Variants in MDC1 observed in about 807,000 individuals in gnomAD.
MDC1 encodes mediator of DNA damage checkpoint protein 1.
Under a neutral mutation model 142.5 loss-of-function variants are expected in MDC1, and 81 were observed. That is an observed-to-expected ratio of 0.57 (90% CI 0.47 to 0.68). The LOEUF is 0.68. Ranked by LOEUF, MDC1 falls within the 30% of genes least tolerant of loss-of-function variation. The probability of loss-of-function intolerance (pLI) is 0.00; values close to 1 mark genes in which losing one functional copy is unlikely to be tolerated. For missense variants in MDC1, 2,119 were observed against 2,547.9 expected, an observed-to-expected ratio of 0.83 and a Z score of 3.62; for synonymous variants, 797 against 968.4, an observed-to-expected ratio of 0.82 and a Z score of 3.29.
In MDC1 at chr6:30,713,499, G is replaced by A. The variant is rs1210335826; in HGVS notation, c.588-145C>T. ...TTGTTTTCCACTTGGCACATCAGAT[G>A]TGCTCCATAAAAATTCAGCTGAGTG... On this transcript the variant is annotated intron_variant, in intron 4 of 14. Coordinates refer to ENST00000376406, the MANE Select transcript of MDC1 (RefSeq NM_014641.3). The surrounding 1 kb of genome is among the most constrained non-coding windows in gnomAD (Gnocchi z 4.9). The A allele has an allele frequency of 8.0e-7, 1 of 1,243,726 alleles. No individual in the cohort carries two copies. Among genetic ancestry groups the A allele is most frequent in the African/African-American group, 1.5e-5 (1 of 65,806 alleles). 77.0% of individuals were successfully genotyped at this position (1,243,726 alleles called of 1,614,324 possible).
rs770604504 is a variant in MDC1, at chr6:30,712,703, C to G, written c.1239G>C (p.Ala413=). 2 of 1,613,032 alleles carry G rather than the reference C, an allele frequency of 1.2e-6. No individual in the cohort carries two copies. The highest frequency in any genetic ancestry group is 1.7e-6 in the Non-Finnish European group (2 of 1,180,044). Residue 413 remains alanine (A), a synonymous_variant, in exon 5 of 15, where the codon GCG becomes GCC. Coordinates refer to ENST00000376406, the MANE Select transcript of MDC1 (RefSeq NM_014641.3). The surrounding 1 kb of genome is among the most constrained non-coding windows in gnomAD (Gnocchi z 4.7). The part of the protein sequence containing the change: ...DTDDEEEVSA[A]LTLAHLKESQ... ...TCTCTTTCAGATGTGCCAAAGTCAG[C>G]GCTGCTGAGACTTCTTCCTCGTCAT...
rs770289396 is a variant in MDC1 at position 30,703,533 on chromosome 6, A to G, written c.5567T>C (p.Val1856Ala). The G allele has an allele frequency of 1.2e-6, 2 of 1,612,758 alleles. No individual in the cohort carries two copies. Among genetic ancestry groups the G allele is most frequent in the Admixed American group, 1.7e-5 (1 of 59,970 alleles). Reference sequence around the variant, plus strand: ...TCTCTTGCCTGGTTTTGGAGTCACGACATCCTGAGATTGAGAAAAATCTTG... The same window carrying G: ...TCTCTTGCCTGGTTTTGGAGTCACGGCATCCTGAGATTGAGAAAAATCTTG... The part of the protein sequence containing the change: ...TAEKPGKEED[V>A]VTPKPGKRKR... The change falls in exon 11 of 15, where the codon GTC becomes GCC. Residue 1856 changes from valine to alanine, a missense_variant. Coordinates refer to ENST00000376406, the MANE Select transcript of MDC1 (RefSeq NM_014641.3). This position sits in a 1 kb window ranked among gnomAD's most constrained non-coding sequence, Gnocchi z 4.4.
At position 30,702,651 on chromosome 6, in the gene MDC1, A is replaced by T. The variant is rs781306038; in HGVS notation, c.6004T>A (p.Tyr2002Asn). ...ERRLLEGYEI[Y>N]VTPGVQPPPP... ...GGTGGCTGGACTCCAGGGGTCACATAGATCTCATAGCCCTAAGAGAAAGAA... is the reference window on the plus strand; with the variant it reads ...GGTGGCTGGACTCCAGGGGTCACATTGATCTCATAGCCCTAAGAGAAAGAA... Residue 2002 changes from tyrosine (Y) to asparagine (N), a missense_variant, in exon 14 of 15, where the codon TAT becomes AAT. Tyr to Asn is a moderately radical substitution (Grantham distance 143). Transcript: ENST00000376406. 6.8e-6 allele frequency: 11 copies of T among 1,611,078 alleles called. No homozygotes were observed. The South Asian group carries it at 1.2e-4, about 18-fold the overall frequency.
rs779398158 is a variant in MDC1 at position 30,712,504 on chromosome 6, G to A, written c.1438C>T (p.Leu480Phe). Residue 480 changes from leucine (L) to phenylalanine (F), a missense_variant, in exon 5 of 15, where the codon CTT (leucine) becomes TTT (phenylalanine). By Grantham distance (22) the Leu-to-Phe change is conservative (BLOSUM62 0). Coordinates refer to ENST00000376406, the MANE Select transcript of MDC1 (RefSeq NM_014641.3). The surrounding 1 kb of genome is among the most constrained non-coding windows in gnomAD (Gnocchi z 4.7). ...VLKDHTKIRALVRAHSEKDQP... is the reference protein window; with the variant it reads ...VLKDHTKIRAFVRAHSEKDQP... Reference sequence around the variant, plus strand: ...TCCTTTTCTGAATGTGCTCTAACAAGGGCTCTAATCTTTGTGTGATCCTTG... The same window carrying A: ...TCCTTTTCTGAATGTGCTCTAACAAAGGCTCTAATCTTTGTGTGATCCTTG... 6.1e-5 allele frequency: 98 copies of A among 1,612,898 alleles called. 1 individual carries two copies. The Middle Eastern group carries it at 1.8e-3, about 30-fold the overall frequency.
chr6:30,711,423 A>G lies in MDC1; in HGVS notation c.2210T>C (p.Phe737Ser). ...PQELGPSHCS[F>S]QTTGTLDEPW... ...AGAGTTTCTTATACCTGTTGTCTGG[A>G]AGCTGCAATGGGAAGGGCCAAGCTC... Residue 737 changes from phenylalanine (F) to serine (S), a missense_variant, in exon 7 of 15, where the codon TTC becomes TCC. Transcript: ENST00000376406. 2.5e-6 allele frequency: 4 copies of G among 1,613,004 alleles called. No individual in the cohort carries two copies. The highest frequency in any genetic ancestry group is 3.4e-6 in the Non-Finnish European group (4 of 1,179,946).
rs1310237548 is a variant in MDC1, at chr6:30,716,779, G to C, written c.-4+466C>G. 2.9e-6 allele frequency: 1 copy of C among 340,070 alleles called. No homozygotes were observed. The highest frequency in any genetic ancestry group is 2.2e-5 in the African/African-American group (1 of 44,624). The allele number at this position is 340,070 out of a possible 1,614,324, so 21.1% of individuals were successfully genotyped here. A position where few individuals can be genotyped will look rare whatever the true frequency, so the allele number is the denominator to read the frequency against. On this transcript the variant is annotated intron_variant, in intron 1 of 14. Transcript: ENST00000376406. The surrounding 1 kb of genome is among the most constrained non-coding windows in gnomAD (Gnocchi z 4.4). ...TTTGAAGTATTTGGTATACATCTGT[G>C]AACCAAACATGAAATCGACCCTGCC...
At chr6:30,711,370 A>C in intron 7 of MDC1, 42 bp downstream of exon 7, 1 of 1,540,028 alleles carries the variant, frequency 6.5e-7, no homozygotes, top group Non-Finnish European at 9.0e-7. Context: ...AAAAAAGAGA[A>C]TGCAGAATTG....
At position 30,716,366 on chromosome 6, in the gene MDC1, G is replaced by A. The variant is rs1279974291; in HGVS notation, c.-4+879C>T. On this transcript the variant is annotated intron_variant, in intron 1 of 14. Coordinates refer to ENST00000376406, the MANE Select transcript of MDC1 (RefSeq NM_014641.3). This position sits in a 1 kb window ranked among gnomAD's most constrained non-coding sequence, Gnocchi z 4.4. ...AGCCTCCCGAGCAGCTGGGATTACA[G>A]GCGCCCGGCATCACGCCTGGCTAAT... Among the ~76,000 whole-genome samples the A allele has an allele frequency of 6.6e-6, 1 of 152,160 alleles. No homozygotes were observed. The highest frequency in any genetic ancestry group is 2.4e-5 in the African/African-American group (1 of 41,432).
At position 30,714,002 on chromosome 6, in the gene MDC1, A is replaced by T. The variant is rs757493743; in HGVS notation, c.318T>A (p.Val106=). ...NGTQILRPPK[V]LSPGVSHRLR... ...GACGGTGACTCACCCCAGGGCTCAA[A>T]ACCTTAGGAGGTCTCAGGATTTGAG... The change falls in exon 3 of 15, where the codon GTT becomes GTA. Residue 106 remains valine (V), a synonymous_variant. Transcript: ENST00000376406. The T allele has an allele frequency of 2.5e-6, 4 of 1,612,906 alleles. No homozygotes were observed. In the East Asian group the frequency reaches 8.9e-5, roughly 36 times the overall value.
chr6:30,701,831 G>C (rs1252733337), intron 14 of MDC1, among the ~76,000 whole-genome samples: 1 of 151,958 alleles, frequency 6.6e-6, no homozygotes, highest in East Asian at 1.9e-4. Flanking sequence ...GTATTTCTTA[G>C]AGATATATAT....
Position 30,700,486 on chromosome 6 carries a change from A to AG in MDC1, c.6248dup (p.Leu2084PhefsTer38), listed in dbSNP as rs1280788813. On this transcript the variant is annotated frameshift_variant, in exon 15 of 15. Coordinates refer to ENST00000376406, the MANE Select transcript of MDC1 (RefSeq NM_014641.3). LOFTEE classifies it high-confidence loss of function. Reference sequence around the variant, plus strand: ...GTTCTCAGGTGGATGACATCTCCAAAGGGGAGAGGACAAAGGCCTCTGGCT... The same window carrying AG: ...GTTCTCAGGTGGATGACATCTCCAAAGGGGGAGAGGACAAAGGCCTCTGGCT... 1.2e-6 allele frequency: 2 copies of AG among 1,612,776 alleles called. No homozygotes were observed. Among genetic ancestry groups the AG allele is most frequent in the Admixed American group, 3.3e-5 (2 of 59,994 alleles).
At position 30,707,765 on chromosome 6, in the gene MDC1, G is replaced by C. The variant is rs755533235; in HGVS notation, c.2814C>G (p.Pro938=). ...GTGTATCTCTCTCCAGGATCACTTT[G>C]GGCACCTTCTCTTCTAACTCGGCTG... ...CDPAELEEKV[P]KVILERDTQR... Residue 938 remains proline, a synonymous_variant, in exon 8 of 15, where the codon CCC becomes CCG. Coordinates refer to ENST00000376406, the MANE Select transcript of MDC1 (RefSeq NM_014641.3). 2.9e-5 allele frequency: 46 copies of C among 1,612,910 alleles called. No individual in the cohort carries two copies. The Middle Eastern group carries it at 3.0e-3, about 104-fold the overall frequency.
chr6:30,713,690 T>C lies in MDC1; in HGVS notation c.545A>G (p.Lys182Arg). ...VDFLSERRMV[K>R]KSRTTSSSVI... ...AGAGGAAGATGTGGTCCTTGATTTT[T>C]TTACCATACGCCTTTCAGAAAGAAA... The change falls in exon 4 of 15, where the codon AAA (lysine) becomes AGA (arginine). Residue 182 changes from lysine (K) to arginine (R), a missense_variant. Physicochemically the swap from Lys to Arg is conservative, Grantham distance 26. Coordinates refer to ENST00000376406, the MANE Select transcript of MDC1 (RefSeq NM_014641.3). The surrounding 1 kb of genome is among the most constrained non-coding windows in gnomAD (Gnocchi z 4.9). 1 of 1,614,202 alleles carries C rather than the reference T, an allele frequency of 6.2e-7. No homozygotes were observed. The highest frequency in any genetic ancestry group is 8.5e-7 in the Non-Finnish European group (1 of 1,180,042).
At position 30,709,388 on chromosome 6, in the gene MDC1, T is replaced by C. The variant is rs943125260; in HGVS notation, c.2222-1031A>G. Among the ~76,000 whole-genome samples the C allele has an allele frequency of 6.6e-6, 1 of 152,214 alleles. No individual in the cohort carries two copies. The highest frequency in any genetic ancestry group is 2.4e-5 in the African/African-American group (1 of 41,448). ...TATACCACATTTTCTTTTTTCTTCATTGACACATAATAATTGTACATATTT... is the reference window on the plus strand; with the variant it reads ...TATACCACATTTTCTTTTTTCTTCACTGACACATAATAATTGTACATATTT... On this transcript the variant is annotated intron_variant, in intron 7 of 14. Transcript: ENST00000376406. This position sits in a 1 kb window ranked among gnomAD's most constrained non-coding sequence, Gnocchi z 4.2.
rs778053820 is a variant in MDC1 at position 30,702,620 on chromosome 6, G to A, written c.6035C>T (p.Pro2012Leu). 4 of 1,611,680 alleles carry A rather than the reference G, an allele frequency of 2.5e-6. No homozygotes were observed. The South Asian group carries it at 3.3e-5, about 13-fold the overall frequency. ...YVTPGVQPPP[P>L]QMGEIISCCG... ...GCAGCTAATAATCTCTCCCATCTGA[G>A]GTGGTGGTGGCTGGACTCCAGGGGT... The change falls in exon 14 of 15, where the codon CCT becomes CTT. Residue 2012 changes from proline (P) to leucine (L), a missense_variant. Physicochemically the swap from Pro to Leu is moderately conservative, Grantham distance 98. Coordinates refer to ENST00000376406, the MANE Select transcript of MDC1 (RefSeq NM_014641.3).
chr6:30,706,867 C>T (rs1206028915), intron 9 of MDC1, among the ~76,000 whole-genome samples: 3 of 150,750 alleles, frequency 2.0e-5, no homozygotes, highest in African/African-American at 4.9e-5. Flanking sequence ...TGGGAGGCTG[C>T]GGCAGGAAAA....
At position 30,709,175 on chromosome 6, in the gene MDC1, C is replaced by T. The variant is rs1774434609; in HGVS notation, c.2222-818G>A. 6.6e-6 allele frequency among the ~76,000 whole-genome samples: 1 copy of T among 152,180 alleles called. No homozygotes were observed. The highest frequency in any genetic ancestry group is 6.5e-5 in the Admixed American group (1 of 15,268). On this transcript the variant is annotated intron_variant, in intron 7 of 14. Transcript: ENST00000376406. This position sits in a 1 kb window ranked among gnomAD's most constrained non-coding sequence, Gnocchi z 4.2. ...TCAGCCTCCCAAGTAGCTGGGACTA[C>T]GGCATGTGCCAAAGTGCCCGGCTAA...
Position 30,714,085 on chromosome 6 carries a change from C to G in MDC1, c.235G>C (p.Glu79Gln). ...GGTGCCTTGTCCCAGGCTAAGATTTCAATCTCTGCATGTTGTTTGGAGATA... is the reference window on the plus strand; with the variant it reads ...GGTGCCTTGTCCCAGGCTAAGATTTGAATCTCTGCATGTTGTTTGGAGATA... ...PSISKQHAEI[E>Q]ILAWDKAPIL... The change falls in exon 3 of 15, where the codon GAA (glutamate) becomes CAA (glutamine). Residue 79 changes from glutamate (E) to glutamine (Q), a missense_variant. By Grantham distance (29) the Glu-to-Gln change is conservative. Coordinates refer to ENST00000376406, the MANE Select transcript of MDC1 (RefSeq NM_014641.3). 1 of 1,612,862 alleles carries G rather than the reference C, an allele frequency of 6.2e-7. No homozygotes were observed. Among genetic ancestry groups the G allele is most frequent in the Non-Finnish European group, 8.5e-7 (1 of 1,180,032 alleles).
rs764506177 is a variant in MDC1 at position 30,712,724 on chromosome 6, G to A, written c.1218C>T (p.Asp406=). The change falls in exon 5 of 15, where the codon GAC becomes GAT. Residue 406 remains aspartate, a synonymous_variant. Transcript: ENST00000376406. This position sits in a 1 kb window ranked among gnomAD's most constrained non-coding sequence, Gnocchi z 4.7. The part of the protein sequence containing the change: ...ASMVINSDTD[D]EEEVSAALTL... The stretch of plus-strand genomic sequence containing the variant: ...TCAGCGCTGCTGAGACTTCTTCCTC[G>A]TCATCTGTATCGCTGTTGATAACCA... 8 of 1,612,806 alleles carry A rather than the reference G, an allele frequency of 5.0e-6. No individual in the cohort carries two copies. Among genetic ancestry groups the A allele is most frequent in the African/African-American group, 1.3e-5 (1 of 74,902 alleles).
Sources: gnomAD v4.1 joint callset for allele counts (sites outside exome capture counted in the v4.1 genomes callset) on GRCh38, gnomAD v4.1.1 for gene constraint, Gnocchi (gnomAD v3.1) non-coding constraint, MANE v1.5 for transcripts, NCBI Gene and HGNC (gene_info 2026-07-23, HGNC 2026-07-21) for gene names.